The following ANKK1 variants were observed in gnomAD, a reference collection of about 807,000 sequenced individuals.
ANKK1 encodes ankyrin repeat and protein kinase domain-containing protein 1.
In ANKK1, 37 loss-of-function variants were observed where a neutral mutation model predicts 37.6. That is an observed-to-expected ratio of 0.98 (90% CI 0.76 to 1.29). The LOEUF (loss-of-function observed/expected upper bound fraction) is 1.29, where lower values mean the gene tolerates loss of function less well. Ranked by LOEUF, ANKK1 falls within the 50% of genes most tolerant of loss-of-function variation. The pLI, the probability that ANKK1 is intolerant of heterozygous loss-of-function variation, is 0.00. For synonymous variants in ANKK1, 415 were observed against 418.7 expected, an observed-to-expected ratio of 0.99 and a Z score of 0.11; for missense variants, 1,019 against 990.6, an observed-to-expected ratio of 1.03 and a Z score of -0.39.
chr11:113,398,291 C>A (rs1459015373), intron 7 of ANKK1, among the ~76,000 whole-genome samples: 1 of 142,120 alleles, frequency 7.0e-6, no homozygotes, highest in African/African-American at 2.6e-5. Context: ...AGGCTGGCTG[C>A]ATGTTAGAAT....
chr11:113,396,336 G>T, intron 5 of ANKK1, 114 bp downstream of exon 5: 13 of 1,216,090 alleles, frequency 1.1e-5, no homozygotes, highest in African/African-American at 3.1e-5. Flanking sequence ...CTACGGCCTA[G>T]AAGGACTTTT....
In ANKK1 at chr11:113,399,877, CG is replaced by C. The variant is rs774527374; in HGVS notation, c.1912del (p.Glu638ArgfsTer36). 206 of 1,613,038 alleles carry C rather than the reference CG, an allele frequency of 1.3e-4. No homozygotes were observed. Among genetic ancestry groups the C allele is most frequent in the Admixed American group, 2.8e-4 (17 of 59,958 alleles). ...CTCCCCTGCACCTAGCTGCACGCCA[CG>C]GGGAGGAGGCGGTGGTGTCAGCACT... ...WTPLHLAARH[G>X]EEAVVSALLQ... On this transcript the variant is annotated frameshift_variant, in exon 8 of 8. Coordinates refer to ENST00000303941, the MANE Select transcript of ANKK1 (RefSeq NM_178510.2). LOFTEE classifies it low-confidence loss of function (END_TRUNC).
Sources: allele counts gnomAD v4.1 joint callset (sites outside exome capture counted in the v4.1 genomes callset), GRCh38; gene constraint gnomAD v4.1.1; transcripts MANE v1.5; gene names NCBI Gene and HGNC (gene_info 2026-07-23, HGNC 2026-07-21).